SRI: variants seen among roughly 807,000 people sequenced by gnomAD.
The protein encoded by SRI is 22 kDa protein.
In SRI, 30 loss-of-function variants were observed where a neutral mutation model predicts 33.3. The ratio of observed to expected loss-of-function variants is 0.90; its 90% CI spans 0.67 to 1.22. The LOEUF is 1.22. Ranked by LOEUF, SRI falls within the 50% of genes most tolerant of loss-of-function variation. The pLI is 0.00. For missense variants in SRI, 243 were observed against 250.8 expected, an observed-to-expected ratio of 0.97 and a Z score of 0.21; for synonymous variants, 75 against 89.9, an observed-to-expected ratio of 0.83 and a Z score of 0.94.
chr7:88,219,872 T>C (rs2115810235), intron 1 of SRI, 104 bp downstream of exon 1: 1 of 1,389,816 alleles, frequency 7.2e-7, no homozygotes, highest in Non-Finnish European at 9.7e-7. Flanking sequence ...GGAGCCCGGG[T>C]AGCCGCCCAG....
upstream of SRI, among the ~76,000 whole-genome samples, chr7:88,224,204 CT>C (rs1266042388): frequency 2.6e-5 from 4 of 152,338 alleles, no homozygotes; most frequent in East Asian, 7.7e-4. Context: ...GAATCCCATT[CT>C]TTTGTGGTAC....
At chr7:88,226,591 C>T (rs1034729159) in intron 1 of SRI, among the ~76,000 whole-genome samples, 4 of 152,140 alleles carry the variant, frequency 2.6e-5, no homozygotes, top group Non-Finnish European at 5.9e-5. Flanking sequence ...TGCCTAGGTA[C>T]AGTAGATATT....
chr7:88,210,465 A>T (rs1851548463), intron 4 of SRI: 1 of 407,448 alleles, frequency 2.5e-6, no homozygotes, highest in Admixed American at 3.6e-5. Flanking sequence ...CTTCTGTCCT[A>T]GCATCATCTC....
chr7:88,218,762 C>G, intron 2 of SRI, 97 bp downstream of exon 2: 1 of 1,136,302 alleles, frequency 8.8e-7, no homozygotes, highest in African/African-American at 1.5e-5. Context: ...CAAAGGGACT[C>G]AGTACCACAG....
chr7:88,206,475 G>A lies in SRI; in HGVS notation c.*3C>T. On this transcript the variant is annotated 3_prime_UTR_variant, in exon 8 of 8. Coordinates refer to ENST00000265729, the MANE Select transcript of SRI (RefSeq NM_003130.4). The stretch of plus-strand genomic sequence containing the variant: ...GATTACATTCATGCAGCTTCCTCTT[G>A]ATTTAAACACTCATGACACATTGAA... 2 of 1,613,890 alleles carry A rather than the reference G, an allele frequency of 1.2e-6. No homozygotes were observed. Among genetic ancestry groups the A allele is most frequent in the Non-Finnish European group, 1.7e-6 (2 of 1,179,856 alleles).
chr7:88,210,896 C>A lies in SRI; in HGVS notation c.235G>T (p.Val79Phe), dbSNP rs1342873873. 1 of 1,613,480 alleles carries A rather than the reference C, an allele frequency of 6.2e-7. No individual in the cohort carries two copies. ...PFNLETCRLMVSMLDRDMSGT... is the reference protein window; with the variant it reads ...PFNLETCRLMFSMLDRDMSGT... ...GTAAAGGATACATCCAGCATTGAAA[C>A]CATAAGCCGGCAAGTCTCCAGGTTA... is the stretch of plus-strand genomic sequence containing the variant. The change falls in exon 4 of 8, where the codon GTT becomes TTT. Residue 79 changes from valine to phenylalanine, a missense_variant. Val to Phe is a conservative substitution (Grantham distance 50). Coordinates refer to ENST00000265729, the MANE Select transcript of SRI (RefSeq NM_003130.4).
At chr7:88,210,475 C>A (rs1668637888) in intron 4 of SRI, 3 of 400,012 alleles carry the variant, frequency 7.5e-6, no homozygotes, top group South Asian at 6.6e-5. Flanking sequence ...AGCATCATCT[C>A]TGGTACTAAT....
At chr7:88,220,244 C>A (rs185184730), upstream of SRI, among the ~76,000 whole-genome samples, 643 of 152,338 alleles carry the variant, frequency 4.2e-3, 7 homozygotes, top group Non-Finnish European at 4.0e-3. Flanking sequence ...TAATGCAGTG[C>A]ACGACTGAAG....
intron 3 of SRI, among the ~76,000 whole-genome samples, chr7:88,212,257 T>G (rs1851597191): frequency 6.6e-6 from 1 of 152,232 alleles, no homozygotes; most frequent in Admixed American, 6.5e-5. Flanking sequence ...AATAAAAGAC[T>G]AGTGACTATT....
rs763465436 is a variant in SRI, at chr7:88,210,052, T to C, written c.328A>G (p.Ile110Val). Residue 110 changes from isoleucine to valine, a missense_variant, in exon 5 of 8, where the codon ATC becomes GTC. Ile to Val is a conservative substitution (Grantham distance 29, BLOSUM62 3). Coordinates refer to ENST00000265729, the MANE Select transcript of SRI (RefSeq NM_003130.4). ...CCACTCCTGTCAGTGTCAAAACTGA[T>C]AAAGTGTTGTCTCCAGCCATTCAGT... ...AVLNGWRQHF[I>V]SFDTDRSGTV... is the part of the protein sequence containing the mutation. 3.7e-6 allele frequency: 6 copies of C among 1,614,066 alleles called. No homozygotes were observed. Among genetic ancestry groups the C allele is most frequent in the Non-Finnish European group, 5.1e-6 (6 of 1,180,024 alleles).
rs1385761619 is a variant in SRI at position 88,206,387 on chromosome 7, T to TG, written c.*90_*91insC. 2.1e-6 allele frequency: 3 copies of TG among 1,435,070 alleles called. No individual in the cohort carries two copies. Among genetic ancestry groups the TG allele is most frequent in the Non-Finnish European group, 2.9e-6 (3 of 1,017,074 alleles). The allele number at this position is 1,435,070 out of a possible 1,614,324, so 88.9% of individuals were successfully genotyped here. A position where few individuals can be genotyped will look rare whatever the true frequency, so the allele number is the denominator to read the frequency against. Reference sequence around the variant, plus strand: ...CAGCTGTTAAGAGAAAGTCGTGATGTAAGTTTATACATATTACCGAAGGCA... The same window carrying TG: ...CAGCTGTTAAGAGAAAGTCGTGATGTGAAGTTTATACATATTACCGAAGGCA... On this transcript the variant is annotated 3_prime_UTR_variant, in exon 8 of 8. Transcript: ENST00000265729.
At chr7:88,215,147 T>C (rs1586717312) in intron 3 of SRI, among the ~76,000 whole-genome samples, 1 of 152,214 alleles carries the variant, frequency 6.6e-6, no homozygotes, top group East Asian at 1.9e-4. Context: ...AATGGCCATA[T>C]AATATCTGCA....
At chr7:88,219,843 G>A (rs1851839915) in intron 1 of SRI, 133 bp downstream of exon 1, 1 of 1,127,188 alleles carries the variant, frequency 8.9e-7, no homozygotes, top group Admixed American at 2.4e-5. Context: ...GCGAGCGCAG[G>A]GAGAAGCCGA....
chr7:88,223,089 G>A (rs902018906), upstream of SRI, among the ~76,000 whole-genome samples: 19 of 152,144 alleles, frequency 1.2e-4, no homozygotes, highest in East Asian at 1.6e-3. Context: ...GAAAATTTTC[G>A]CTACCTACTC....
chr7:88,226,604 C>T (rs960034369), intron 1 of SRI, among the ~76,000 whole-genome samples: 3 of 152,116 alleles, frequency 2.0e-5, no homozygotes, highest in African/African-American at 7.2e-5. Flanking sequence ...TAGATATTTC[C>T]AGAATGCCAA....
chr7:88,216,453 T>C (rs1460500764), intron 3 of SRI, among the ~76,000 whole-genome samples: 1 of 152,120 alleles, frequency 6.6e-6, no homozygotes, highest in Non-Finnish European at 1.5e-5. Context: ...CTGAGGGATG[T>C]CATGGCAACC....
chr7:88,223,091 T>A (rs43107), upstream of SRI, among the ~76,000 whole-genome samples: 39,436 of 151,902 alleles, frequency 0.26, 6,099 homozygotes, highest in East Asian at 0.75. Flanking sequence ...AAATTTTCGC[T>A]ACCTACTCAT....
At position 88,209,342 on chromosome 7, in the gene SRI, T is replaced by TA. The variant is rs1563471658; in HGVS notation, c.507dup (p.Thr170TyrfsTer20). 1 of 1,613,476 alleles carries TA rather than the reference T, an allele frequency of 6.2e-7. No individual in the cohort carries two copies. The highest frequency in any genetic ancestry group is 1.7e-5 in the Admixed American group (1 of 60,012). ...GACACGACCTTATAGAACTCACCTG[T>TA]AAGAGCCCTCAGTTTGACGCAGCAG... On this transcript the variant is annotated frameshift_variant, in exon 6 of 8. Coordinates refer to ENST00000265729, the MANE Select transcript of SRI (RefSeq NM_003130.4). LOFTEE classifies it high-confidence loss of function.
chr7:88,219,560 GTTT>G, intron 1 of SRI: 1 of 189,740 alleles, frequency 5.3e-6, no homozygotes, highest in Non-Finnish European at 1.0e-5. Context: ...TTGTTTGTTT[GTTT>G]GTTTGTTTGT....
Sources: gnomAD v4.1 joint callset for allele counts (sites outside exome capture counted in the v4.1 genomes callset) on GRCh38, gnomAD v4.1.1 for gene constraint, MANE v1.5 for transcripts, NCBI Gene and HGNC (gene_info 2026-07-23, HGNC 2026-07-21) for gene names.